Variants in POLN observed in about 807,000 individuals in gnomAD.
POLN encodes DNA polymerase N.
A neutral mutation model predicts 113.5 loss-of-function variants in POLN; 108 were observed. That is an observed-to-expected ratio of 0.95 (90% confidence interval 0.81 to 1.12). The LOEUF (loss-of-function observed/expected upper bound fraction) is 1.12. Ranked by LOEUF, POLN falls within the 50% of genes most tolerant of loss-of-function variation. POLN has a pLI of 0.00. For missense variants in POLN, 1,097 were observed against 1,077.1 expected, an observed-to-expected ratio of 1.02 and a Z score of -0.26; for synonymous variants, 386 against 391.5, an observed-to-expected ratio of 0.99 and a Z score of 0.17.
intron 16 of POLN, among the ~76,000 whole-genome samples, chr4:2,149,057 G>A (rs1337968980): frequency 6.6e-6 from 1 of 152,112 alleles, no homozygotes. Flanking sequence ...ACTTTGGGAG[G>A]CTGAAACAGG....
At chr4:2,111,396 C>T (rs953097185) in intron 19 of POLN, among the ~76,000 whole-genome samples, 3 of 151,998 alleles carry the variant, frequency 2.0e-5, no homozygotes, top group African/African-American at 2.4e-5. Context: ...CCAGGGCAAT[C>T]AGGCAGGAGA....
intron 25 of POLN, 118 bp from the exon 26 acceptor site, chr4:2,072,417 G>A: frequency 1.2e-6 from 1 of 858,082 alleles, no homozygotes; most frequent in South Asian, 1.9e-5. Context: ...CCAGATACAT[G>A]ATCAGACAGC....
chr4:2,237,099 C>T (rs1306973269), intron 2 of POLN, among the ~76,000 whole-genome samples: 1 of 151,986 alleles, frequency 6.6e-6, no homozygotes, highest in East Asian at 1.9e-4. Flanking sequence ...CTTCAAAGTG[C>T]ACTTCAGAGA....
In POLN at chr4:2,072,169, G is replaced by C; in HGVS notation, c.2648C>G (p.Ser883Cys). The C allele has an allele frequency of 6.2e-7, 1 of 1,611,962 alleles. No homozygotes were observed. The highest frequency in any genetic ancestry group is 8.5e-7 in the Non-Finnish European group (1 of 1,179,148). Reference sequence around the variant, plus strand: ...GGGTGGGGGCTGGGTGCTGGCAGGGGACCCAGGGGCAGCCAGGCTGTTGCT... The same window carrying C: ...GGGTGGGGGCTGGGTGCTGGCAGGGCACCCAGGGGCAGCCAGGCTGTTGCT... ...SPSNSLAAPG[S>C]PASTQPPPLH... The change falls in exon 26 of 26, where the codon TCC (serine) becomes TGC (cysteine). Residue 883 changes from serine (S) to cysteine (C), a missense_variant. Physicochemically the swap from Ser to Cys is moderately radical, Grantham distance 112. Coordinates refer to ENST00000511885, the MANE Select transcript of POLN (RefSeq NM_181808.4).
Position 2,093,836 on chromosome 4 carries a change from A to T in POLN, c.2065+2015T>A, listed in dbSNP as rs778224558. Among the ~76,000 whole-genome samples the T allele has an allele frequency of 1.3e-5, 2 of 152,204 alleles. No homozygotes were observed. The highest frequency in any genetic ancestry group is 2.9e-5 in the Non-Finnish European group (2 of 68,034). On this transcript the variant is annotated intron_variant, in intron 20 of 25. Transcript: ENST00000511885. This position sits in a 1 kb window ranked among gnomAD's most constrained non-coding sequence, Gnocchi z 4.1. ...CTATTTTCCAAAAACCATGTATACA[A>T]TCAAAATGTTTTCAAAAGTGGAGCT...
At chr4:2,234,808 T>A (rs1363556547) in intron 2 of POLN, among the ~76,000 whole-genome samples, 1 of 152,204 alleles carries the variant, frequency 6.6e-6, no homozygotes, top group Non-Finnish European at 1.5e-5. Context: ...AATTATTCAC[T>A]GCAACTTTAA....
At chr4:2,094,239 C>A (rs746019181) in intron 20 of POLN, among the ~76,000 whole-genome samples, 18 of 151,936 alleles carry the variant, frequency 1.2e-4, no homozygotes, top group Admixed American at 3.9e-4. Context: ...CCCAGCTACT[C>A]AGGAGGCTGA....
chr4:2,237,703 T>C (rs1734816472), intron 2 of POLN, among the ~76,000 whole-genome samples: 1 of 152,152 alleles, frequency 6.6e-6, no homozygotes, highest in South Asian at 2.1e-4. Context: ...GTGGTGGGAT[T>C]AAAAGAGAAA....
chr4:2,117,934 G>T (rs1731355781), intron 19 of POLN, among the ~76,000 whole-genome samples: 1 of 152,228 alleles, frequency 6.6e-6, no homozygotes, highest in Non-Finnish European at 1.5e-5. Context: ...GGAGCCCAAG[G>T]GTTGCTTTAA....
chr4:2,198,190 T>C (rs1733626456), intron 6 of POLN, among the ~76,000 whole-genome samples: 1 of 152,186 alleles, frequency 6.6e-6, no homozygotes, highest in South Asian at 2.1e-4. Context: ...AATGAACAAG[T>C]ATGATAAGGA....
chr4:2,133,001 T>A (rs1055889107), intron 16 of POLN, among the ~76,000 whole-genome samples: 1 of 152,138 alleles, frequency 6.6e-6, no homozygotes, highest in Admixed American at 6.6e-5. Context: ...AGTGGTAGAA[T>A]ATGAAATATA....
At chr4:2,205,015 C>T (rs1168918808) in intron 5 of POLN, among the ~76,000 whole-genome samples, 1 of 152,132 alleles carries the variant, frequency 6.6e-6, no homozygotes, top group Non-Finnish European at 1.5e-5. Flanking sequence ...AAGCACTCAC[C>T]CTGAGAACTG....
At chr4:2,162,508 C>T (rs962189261) in intron 13 of POLN, among the ~76,000 whole-genome samples, 4 of 152,286 alleles carry the variant, frequency 2.6e-5, no homozygotes, top group Non-Finnish European at 4.4e-5. Flanking sequence ...CCACCAATTC[C>T]GGACACAGCA....
intron 16 of POLN, among the ~76,000 whole-genome samples, chr4:2,138,284 C>G (rs373714437): frequency 2.6e-5 from 4 of 152,306 alleles, no homozygotes; most frequent in East Asian, 1.9e-4. Context: ...CACCCAAAGC[C>G]CTAAGAGCTA....
chr4:2,175,460 C>T (rs557768043), intron 9 of POLN, among the ~76,000 whole-genome samples: 112 of 152,128 alleles, frequency 7.4e-4, no homozygotes, highest in Non-Finnish European at 1.5e-3. Context: ...TACTGAATTC[C>T]CAAAATTTAC....
At chr4:2,175,298 T>C (rs58794573) in intron 9 of POLN, among the ~76,000 whole-genome samples, 12,932 of 152,194 alleles carry the variant, frequency 0.085, 841 homozygotes, top group African/African-American at 0.17. Flanking sequence ...ATAGATAGGT[T>C]CAAGTCAAAC....
intron 19 of POLN, among the ~76,000 whole-genome samples, chr4:2,114,931 C>CT (rs1015157741): frequency 8.0e-5 from 12 of 150,630 alleles, no homozygotes; most frequent in African/African-American, 1.5e-4. Context: ...AGGGCTTCCA[C>CT]TTTTTTTTTC....
At chr4:2,096,686 AAGAGAGAG>A (rs750844060) in intron 19 of POLN, among the ~76,000 whole-genome samples, 3,667 of 129,974 alleles carry the variant, frequency 0.028, 161 homozygotes, top group African/African-American at 0.1. Context: ...AGCCGAGAGA[AAGAGAGAG>A]AGAGAGAGAG....
intron 16 of POLN, among the ~76,000 whole-genome samples, chr4:2,132,851 G>A (rs1731759571): frequency 6.6e-6 from 1 of 152,238 alleles, no homozygotes; most frequent in Non-Finnish European, 1.5e-5. Flanking sequence ...TCTTCAGGCT[G>A]AAGGGAAATG....
Sources: gnomAD v4.1 joint callset for allele counts (sites outside exome capture counted in the v4.1 genomes callset) on GRCh38, gnomAD v4.1.1 for gene constraint, Gnocchi (gnomAD v3.1) non-coding constraint, MANE v1.5 for transcripts, NCBI Gene and HGNC (gene_info 2026-07-23, HGNC 2026-07-21) for gene names.